Variants in LSM14A observed in about 807,000 individuals in gnomAD.
LSM14A encodes protein LSM14 homolog A.
A neutral mutation model predicts 52.4 loss-of-function variants in LSM14A; 14 were observed. That is an observed-to-expected ratio of 0.27 (90% CI 0.18 to 0.42). The LOEUF is 0.42. Ranked by LOEUF, LSM14A falls within the 10% of genes least tolerant of loss-of-function variation. The probability of loss-of-function intolerance (pLI) is 1.00; values close to 1 mark genes in which losing one functional copy is unlikely to be tolerated. For synonymous variants in LSM14A, 185 were observed against 200.3 expected, an observed-to-expected ratio of 0.92 and a Z score of 0.64; for missense variants, 417 against 581.8, an observed-to-expected ratio of 0.72 and a Z score of 2.91.
At chr19:34,218,216 G>A (rs974811692) in intron 6 of LSM14A, among the ~76,000 whole-genome samples, 1 of 152,032 alleles carries the variant, frequency 6.6e-6, no homozygotes, top group Non-Finnish European at 1.5e-5. Context: ...TTGTTGGTCA[G>A]GCTGGTCTCG....
At chr19:34,177,898 A>AG (rs2069191827) in intron 1 of LSM14A, among the ~76,000 whole-genome samples, 1 of 151,982 alleles carries the variant, frequency 6.6e-6, no homozygotes, top group South Asian at 2.1e-4. Flanking sequence ...TAACAATGAT[A>AG]GCCTGTAATC....
chr19:34,227,229 G>A, intron 9 of LSM14A, 136 bp from the exon 10 acceptor site: 1 of 668,912 alleles, frequency 1.5e-6, no homozygotes, highest in Non-Finnish European at 2.7e-6. Flanking sequence ...GTGGAAATGA[G>A]TGAGACAGGT....
intron 4 of LSM14A, 78 bp from the exon 5 acceptor site, chr19:34,215,046 C>A: frequency 8.2e-7 from 1 of 1,216,480 alleles, no homozygotes. Flanking sequence ...AAATAAAACT[C>A]TGGACAATTT....
At chr19:34,196,916 C>T (rs1025085704) in intron 3 of LSM14A, among the ~76,000 whole-genome samples, 153 bp downstream of exon 3, 5 of 151,600 alleles carry the variant, frequency 3.3e-5, no homozygotes, top group African/African-American at 1.2e-4. Flanking sequence ...TTGATGATAT[C>T]TTAAAGCCTT....
At position 34,215,141 on chromosome 19, in the gene LSM14A, T is replaced by G; in HGVS notation, c.556T>G (p.Leu186Val). 6.2e-7 allele frequency: 1 copy of G among 1,613,092 alleles called. No individual in the cohort carries two copies. Among genetic ancestry groups the G allele is most frequent in the Non-Finnish European group, 8.5e-7 (1 of 1,179,752 alleles). The change falls in exon 5 of 10, where the codon TTA becomes GTA. Residue 186 changes from leucine (L) to valine (V), a missense_variant. This residue lies in a region of LSM14A where 357 missense variants were observed against 457.0 expected (regional missense o/e 0.78). Coordinates refer to ENST00000544216, the MANE Select transcript of LSM14A (RefSeq NM_015578.4). ...CATTTTAGGTCGCTCAAGCCCTCAG[T>G]TAGACCCTTTGAGAAAAAGCCCAAC... ...QLSQGRSSPQLDPLRKSPTME... is the reference protein window; with the variant it reads ...QLSQGRSSPQVDPLRKSPTME...
At chr19:34,226,048 C>T (rs1172778235) in intron 9 of LSM14A, among the ~76,000 whole-genome samples, 3 of 150,776 alleles carry the variant, frequency 2.0e-5, no homozygotes, top group Admixed American at 6.6e-5. Context: ...GGTGACAGAG[C>T]GAGGCCTGTC....
chr19:34,219,677 A>G, intron 7 of LSM14A, 29 bp from the exon 8 acceptor site: 3 of 1,592,662 alleles, frequency 1.9e-6, no homozygotes, highest in Non-Finnish European at 2.6e-6. Flanking sequence ...AGCTGTCTTG[A>G]CTTTTCTGAT....
At chr19:34,213,769 T>C (rs2072346605) in intron 4 of LSM14A, among the ~76,000 whole-genome samples, 1 of 152,136 alleles carries the variant, frequency 6.6e-6, no homozygotes, top group African/African-American at 2.4e-5. Context: ...ACCCCATTTT[T>C]TGTTTTGGCT....
chr19:34,179,488 C>G (rs1378468850), intron 1 of LSM14A, among the ~76,000 whole-genome samples: 1 of 152,040 alleles, frequency 6.6e-6, no homozygotes, highest in African/African-American at 2.4e-5. Flanking sequence ...CTTTTTGTTG[C>G]CCTATTTAGT....
intron 1 of LSM14A, among the ~76,000 whole-genome samples, chr19:34,185,390 T>G (rs1457624723): frequency 1.3e-5 from 2 of 152,150 alleles, no homozygotes; most frequent in African/African-American, 4.8e-5. Flanking sequence ...GAGGGACAGA[T>G]GTTTTCATTC....
chr19:34,226,466 T>TAA, intron 9 of LSM14A: 2 of 1,516,890 alleles, frequency 1.3e-6, no homozygotes, highest in Non-Finnish European at 1.8e-6. Flanking sequence ...TTCTGAAAGG[T>TAA]AAAAAAAACA....
chr19:34,185,441 T>G (rs1256280836), intron 1 of LSM14A, among the ~76,000 whole-genome samples: 1 of 152,120 alleles, frequency 6.6e-6, no homozygotes, highest in Non-Finnish European at 1.5e-5. Flanking sequence ...GTAGTGTGGG[T>G]AAGGGTGAAG....
intron 9 of LSM14A, among the ~76,000 whole-genome samples, chr19:34,222,836 A>C (rs2073137546): frequency 6.6e-6 from 1 of 152,174 alleles, no homozygotes; most frequent in Non-Finnish European, 1.5e-5. Context: ...AGCTAGGAGA[A>C]TCTGTCTTAG....
Position 34,219,811 on chromosome 19 carries a change from T to G in LSM14A, c.1070T>G (p.Leu357Arg). Reference sequence around the variant, plus strand: ...GGAAATGCCGATGAAGAAGATCCACTTGGACCTAATTGCTATTATGACAAA... The same window carrying G: ...GGAAATGCCGATGAAGAAGATCCACGTGGACCTAATTGCTATTATGACAAA... ...SEGNADEEDP[L>R]GPNCYYDKTK... is the part of the protein sequence containing the mutation. The change falls in exon 8 of 10, where the codon CTT becomes CGT. Residue 357 changes from leucine to arginine, a missense_variant. Transcript: ENST00000544216. The G allele has an allele frequency of 6.2e-7, 1 of 1,613,618 alleles. No individual in the cohort carries two copies.
At chr19:34,223,484 C>A (rs1285291239) in intron 9 of LSM14A, among the ~76,000 whole-genome samples, 1 of 152,230 alleles carries the variant, frequency 6.6e-6, no homozygotes, top group African/African-American at 2.4e-5. Flanking sequence ...TCAGACTGAT[C>A]TCATCATCTT....
intron 9 of LSM14A, among the ~76,000 whole-genome samples, chr19:34,223,710 C>T (rs890103348): frequency 6.6e-6 from 1 of 152,216 alleles, no homozygotes; most frequent in South Asian, 2.1e-4. Context: ...TTTTGAACAA[C>T]CTGTGACAAC....
intron 3 of LSM14A, among the ~76,000 whole-genome samples, chr19:34,200,006 T>G (rs2071175583): frequency 6.6e-6 from 1 of 152,220 alleles, no homozygotes; most frequent in Non-Finnish European, 1.5e-5. Context: ...CTTCGTTGAG[T>G]GCTCAAGTTT....
chr19:34,205,417 C>T (rs998820709), intron 3 of LSM14A, among the ~76,000 whole-genome samples: 1 of 132,650 alleles, frequency 7.5e-6, no homozygotes, highest in Non-Finnish European at 1.6e-5. Flanking sequence ...ACCCGGGAGG[C>T]GGAGGTTGCA....
chr19:34,201,488 A>G (rs1309583830), intron 3 of LSM14A, among the ~76,000 whole-genome samples: 1 of 152,100 alleles, frequency 6.6e-6, no homozygotes, highest in African/African-American at 2.4e-5. Flanking sequence ...GGTTACAAGC[A>G]TGTGCCACCA....
Sources: gnomAD v4.1 joint callset for allele counts (sites outside exome capture counted in the v4.1 genomes callset) on GRCh38, gnomAD v4.1.1 for gene constraint, gnomAD v4.1.1 regional missense constraint, MANE v1.5 for transcripts, NCBI Gene and HGNC (gene_info 2026-07-23, HGNC 2026-07-21) for gene names.